The following GYPC variants were observed in gnomAD, a reference collection of about 807,000 sequenced individuals.
GYPC encodes the protein glycophorin C (Gerbich blood group).
In GYPC, 14 loss-of-function variants were observed where a neutral mutation model predicts 12.6. That is an observed-to-expected ratio of 1.11 (90% CI 0.74 to 1.74). GYPC has a LOEUF of 1.74. Among genes scored for constraint, GYPC ranks in the 40% most tolerant of loss-of-function variants. The pLI, the probability that GYPC is intolerant of heterozygous loss-of-function variation, is 0.00. For missense variants in GYPC, 225 were observed against 172.1 expected (o/e 1.31, Z -1.72); for synonymous variants, 78 against 62.1 (o/e 1.26, Z -1.20).
chr2:126,676,465 AAGTT>A (rs1263103553), intron 1 of GYPC, among the ~76,000 whole-genome samples: 5 of 152,198 alleles, frequency 3.3e-5, no homozygotes, highest in Non-Finnish European at 7.3e-5. Flanking sequence ...AACAAAGTCT[AAGTT>A]AGTTGACTTT....
intron 1 of GYPC, among the ~76,000 whole-genome samples, chr2:126,659,442 G>A (rs1463542108): frequency 6.6e-6 from 1 of 152,148 alleles, no homozygotes; most frequent in East Asian, 1.9e-4. Context: ...ACCAGCTTTG[G>A]GAGAGAGAGG....
chr2:126,691,201 C>G (rs1354946102), intron 2 of GYPC, among the ~76,000 whole-genome samples: 1 of 152,230 alleles, frequency 6.6e-6, no homozygotes, highest in East Asian at 1.9e-4. Flanking sequence ...TCCAAATAAA[C>G]CTGCATTCTA....
At chr2:126,695,042 C>G (rs148887090) in intron 3 of GYPC, among the ~76,000 whole-genome samples, 116 of 152,302 alleles carry the variant, frequency 7.6e-4, no homozygotes, top group African/African-American at 2.6e-3. Context: ...CTTTGTGTGG[C>G]CAAGTCCTGC....
chr2:126,688,118 T>C (rs974292744), intron 1 of GYPC, among the ~76,000 whole-genome samples: 1 of 152,202 alleles, frequency 6.6e-6, no homozygotes, highest in African/African-American at 2.4e-5. Context: ...TTAAAATACA[T>C]TAAATGTTGA....
At chr2:126,685,184 C>G (rs1475877606) in intron 1 of GYPC, among the ~76,000 whole-genome samples, 2 of 152,208 alleles carry the variant, frequency 1.3e-5, no homozygotes, top group Non-Finnish European at 2.9e-5. Flanking sequence ...TACTTCAACT[C>G]TCATCTGATT....
At position 126,696,219 on chromosome 2, in the gene GYPC, T is replaced by C. The variant is rs1197843550; in HGVS notation, c.*77T>C. On this transcript the variant is annotated 3_prime_UTR_variant, in exon 4 of 4. Transcript: ENST00000259254. ...AATACACCCCATCGCCCAGCACCCCTGCTGATACCACCAGACAGAGAGAGA... is the reference window on the plus strand; with the variant it reads ...AATACACCCCATCGCCCAGCACCCCCGCTGATACCACCAGACAGAGAGAGA... The C allele has an allele frequency of 3.9e-6, 4 of 1,017,740 alleles. No homozygotes were observed. In the East Asian group the frequency reaches 1.0e-4, roughly 26 times the overall value. The allele number at this position is 1,017,740 out of a possible 1,614,324, so 63.0% of individuals were successfully genotyped here.
chr2:126,692,554 T>A (rs147721867), intron 2 of GYPC, among the ~76,000 whole-genome samples: 17 of 152,322 alleles, frequency 1.1e-4, no homozygotes, highest in African/African-American at 4.1e-4. Flanking sequence ...TGGGATTTCC[T>A]ATGTTAACAC....
intron 1 of GYPC, among the ~76,000 whole-genome samples, chr2:126,666,434 C>A (rs1199345749): frequency 6.6e-6 from 1 of 152,212 alleles, no homozygotes; most frequent in Non-Finnish European, 1.5e-5. Flanking sequence ...TGTTTCCACT[C>A]TTCATTCGAG....
intron 1 of GYPC, among the ~76,000 whole-genome samples, chr2:126,669,606 A>C (rs1254806479): frequency 6.6e-6 from 1 of 152,162 alleles, no homozygotes; most frequent in African/African-American, 2.4e-5. Context: ...CCTCTGAAAA[A>C]CCCTTTTGGG....
At chr2:126,684,673 C>T (rs10205767) in intron 1 of GYPC, among the ~76,000 whole-genome samples, 4,104 of 152,238 alleles carry the variant, frequency 0.027, 178 homozygotes, top group African/African-American at 0.093. Flanking sequence ...GGGACTTGGC[C>T]TTAACGGTGG....
chr2:126,660,596 C>T (rs1409385796), intron 1 of GYPC, among the ~76,000 whole-genome samples: 1 of 152,144 alleles, frequency 6.6e-6, no homozygotes, highest in African/African-American at 2.4e-5. Flanking sequence ...TCTGTGACCC[C>T]GCCTGTCCCC....
chr2:126,662,997 A>G (rs1421008532), intron 1 of GYPC, among the ~76,000 whole-genome samples: 1 of 152,076 alleles, frequency 6.6e-6, no homozygotes, highest in African/African-American at 2.4e-5. Context: ...AGACCAGGGA[A>G]AGGCCCTCTC....
At chr2:126,665,359 T>C (rs953578184) in intron 1 of GYPC, among the ~76,000 whole-genome samples, 1 of 152,244 alleles carries the variant, frequency 6.6e-6, no homozygotes, top group East Asian at 1.9e-4. Flanking sequence ...GTCTAATTTA[T>C]AAAATAAACT....
chr2:126,692,480 TGG>T (rs1683501483), intron 2 of GYPC, among the ~76,000 whole-genome samples: 6 of 152,118 alleles, frequency 3.9e-5, no homozygotes, highest in African/African-American at 1.4e-4. Context: ...ATTATCTGAG[TGG>T]AAATGACTAT....
intron 2 of GYPC, among the ~76,000 whole-genome samples, chr2:126,690,949 A>C (rs1457880665): frequency 1.3e-5 from 2 of 152,012 alleles, no homozygotes; most frequent in African/African-American, 2.4e-5. Flanking sequence ...CTACAATTTG[A>C]AAAGAAAGAA....
intron 2 of GYPC, among the ~76,000 whole-genome samples, chr2:126,690,864 G>C (rs879899592): frequency 1.6e-4 from 25 of 152,008 alleles, no homozygotes; most frequent in Non-Finnish European, 3.5e-4. Context: ...AACCAAGTTT[G>C]GGAGGTGCTG....
At chr2:126,689,277 C>T (rs503808) in intron 1 of GYPC, among the ~76,000 whole-genome samples, 95,456 of 151,728 alleles carry the variant, frequency 0.63, 31,002 homozygotes, top group African/African-American at 0.79. Context: ...TGACCTGATA[C>T]CGGATGAGCT....
At chr2:126,683,583 T>C in intron 1 of GYPC, among the ~76,000 whole-genome samples, 1 of 152,232 alleles carries the variant, frequency 6.6e-6, no homozygotes, top group East Asian at 1.9e-4. Flanking sequence ...TTAGATGTCA[T>C]AGCTCAACTG....
intron 1 of GYPC, among the ~76,000 whole-genome samples, chr2:126,672,730 C>G (rs544701883): frequency 1.3e-5 from 2 of 152,278 alleles, no homozygotes; most frequent in Admixed American, 1.3e-4. Flanking sequence ...GAGAACAGAA[C>G]TGTGAAAGGA....
Sources: allele counts gnomAD v4.1 joint callset (sites outside exome capture counted in the v4.1 genomes callset), GRCh38; gene constraint gnomAD v4.1.1; transcripts MANE v1.5; gene names NCBI Gene and HGNC (gene_info 2026-07-23, HGNC 2026-07-21).